B3GALT1: variants seen among roughly 807,000 people sequenced by gnomAD.
B3GALT1 encodes UDP-Gal:betaGlcNAc beta 1,3-galactosyltransferase, polypeptide 1.
B3GALT1 carries 10 observed loss-of-function variants against 23.2 expected under a neutral mutation model. The observed-to-expected ratio is 0.43, with a 90% CI of 0.27 to 0.73. The LOEUF (loss-of-function observed/expected upper bound fraction) is 0.73. Among genes scored for constraint, B3GALT1 ranks in the 30% least tolerant of loss-of-function variants. B3GALT1 has a pLI of 0.21. For missense variants in B3GALT1, 299 were observed against 405.4 expected, an observed-to-expected ratio of 0.74 and a Z score of 2.25; for synonymous variants, 156 against 141.5, an observed-to-expected ratio of 1.10 and a Z score of -0.73.
intron 3 of B3GALT1, among the ~76,000 whole-genome samples, chr2:167,702,771 A>G (rs1419101367): frequency 3.3e-5 from 5 of 152,212 alleles, no homozygotes; most frequent in African/African-American, 9.6e-5. Flanking sequence ...AGCTATTTTC[A>G]TGTCAAAAAT....
intron 3 of B3GALT1, among the ~76,000 whole-genome samples, chr2:167,778,153 G>T (rs1242919219): frequency 1.3e-5 from 2 of 152,154 alleles, no homozygotes; most frequent in African/African-American, 4.8e-5. Context: ...AAATAGTTTA[G>T]ACATTTTGCA....
intron 4 of B3GALT1, among the ~76,000 whole-genome samples, chr2:167,838,187 T>A (rs879874397): frequency 0.082 from 8,250 of 100,988 alleles, no homozygotes; most frequent in Non-Finnish European, 0.087. Flanking sequence ...AGAGCAGAAC[T>A]GAAGGAAATA....
At chr2:167,826,560 G>A (rs1404769425) in intron 4 of B3GALT1, among the ~76,000 whole-genome samples, 2 of 152,176 alleles carry the variant, frequency 1.3e-5, no homozygotes, top group Non-Finnish European at 2.9e-5. Flanking sequence ...TGTCAGGAAT[G>A]GGGTGAGTGT....
chr2:167,521,982 G>GTATATATATATATA (rs1406145422), intron 2 of B3GALT1, among the ~76,000 whole-genome samples: 3 of 135,230 alleles, frequency 2.2e-5, no homozygotes, highest in East Asian at 4.8e-4. Context: ...GTGTGTGTGT[G>GTATATATATATATA]TGTATATATA....
chr2:167,429,591 A>C (rs1036326627), intron 1 of B3GALT1, among the ~76,000 whole-genome samples: 1 of 152,180 alleles, frequency 6.6e-6, no homozygotes, highest in African/African-American at 2.4e-5. Flanking sequence ...AAAAGAAAAA[A>C]TAAGCACAAT....
At chr2:167,447,336 CTGTT>C (rs920518717) in intron 1 of B3GALT1, among the ~76,000 whole-genome samples, 2 of 152,232 alleles carry the variant, frequency 1.3e-5, no homozygotes, top group Non-Finnish European at 2.9e-5. Flanking sequence ...GGCATTCTGT[CTGTT>C]CTCAGATCTC....
At chr2:167,809,712 G>A (rs545996106) in intron 3 of B3GALT1, among the ~76,000 whole-genome samples, 1 of 152,212 alleles carries the variant, frequency 6.6e-6, no homozygotes, top group African/African-American at 2.4e-5. Flanking sequence ...GTGCCTCCCA[G>A]TTAGGCTACT....
At position 167,376,530 on chromosome 2, in the gene B3GALT1, G is replaced by A. The variant is rs568214007; in HGVS notation, c.-511+83196G>A. ...GATTCAATTTCAAAAGTTGATATTG[G>A]CCTATTTAATGTTTTCATTTCTTCC... On this transcript the variant is annotated intron_variant, in intron 1 of 4. Transcript: ENST00000392690. Among the ~76,000 whole-genome samples the A allele has an allele frequency of 4.6e-5, 7 of 152,174 alleles. 1 individual carries two copies. Among genetic ancestry groups the A allele is most frequent in the African/African-American group, 1.7e-4 (7 of 41,530 alleles).
intron 3 of B3GALT1, among the ~76,000 whole-genome samples, chr2:167,698,569 TC>T (rs1211504383): frequency 6.6e-6 from 1 of 152,266 alleles, no homozygotes; most frequent in Admixed American, 6.5e-5. Flanking sequence ...TCCCCTGTGC[TC>T]TTTTCCACAC....
chr2:167,673,603 CA>C (rs1299442776), intron 3 of B3GALT1, among the ~76,000 whole-genome samples: 1 of 151,672 alleles, frequency 6.6e-6, no homozygotes, highest in African/African-American at 2.4e-5. Context: ...CCATAGTAAA[CA>C]AATATTTTAT....
chr2:167,533,787 C>G (rs1314172672), intron 2 of B3GALT1, among the ~76,000 whole-genome samples: 1 of 152,150 alleles, frequency 6.6e-6, no homozygotes, highest in African/African-American at 2.4e-5. Context: ...TCTTTGCAAC[C>G]ATGTTTCTTC....
chr2:167,513,719 G>A (rs1700062066), intron 2 of B3GALT1, among the ~76,000 whole-genome samples: 1 of 152,008 alleles, frequency 6.6e-6, no homozygotes, highest in African/African-American at 2.4e-5. Flanking sequence ...ATTATATACT[G>A]TTCTTTTTTA....
chr2:167,367,621 T>C (rs779416452), intron 1 of B3GALT1, among the ~76,000 whole-genome samples: 4 of 152,174 alleles, frequency 2.6e-5, no homozygotes, highest in Non-Finnish European at 4.4e-5. Flanking sequence ...CTATTAAGAA[T>C]TGAAAAATCA....
chr2:167,793,547 G>A (rs537212794), intron 3 of B3GALT1, among the ~76,000 whole-genome samples: 29 of 151,814 alleles, frequency 1.9e-4, no homozygotes, highest in South Asian at 1.9e-3. Context: ...TGATTAGTTC[G>A]GATTTTCTTC....
intron 1 of B3GALT1, among the ~76,000 whole-genome samples, chr2:167,296,153 C>T (rs1165718607): frequency 6.6e-6 from 1 of 152,152 alleles, no homozygotes; most frequent in East Asian, 1.9e-4. Context: ...CTTGTGAAGA[C>T]CCTAGGCCAC....
intron 2 of B3GALT1, among the ~76,000 whole-genome samples, chr2:167,507,200 G>T (rs1699931992): frequency 6.6e-6 from 1 of 152,000 alleles, no homozygotes; most frequent in African/African-American, 2.4e-5. Flanking sequence ...ACAGATCTTG[G>T]TGAATATTAA....
intron 2 of B3GALT1, among the ~76,000 whole-genome samples, chr2:167,573,533 A>C (rs367619732): frequency 6.6e-6 from 1 of 151,678 alleles, no homozygotes; most frequent in South Asian, 2.1e-4. Flanking sequence ...TAGCACTTTC[A>C]ATTAGATTTT....
At chr2:167,496,907 C>G (rs1699790423) in intron 2 of B3GALT1, among the ~76,000 whole-genome samples, 1 of 152,168 alleles carries the variant, frequency 6.6e-6, no homozygotes, top group African/African-American at 2.4e-5. Context: ...TGATTTCAAA[C>G]TTCCAGCCTC....
chr2:167,421,257 A>G (rs1698543081), intron 1 of B3GALT1, among the ~76,000 whole-genome samples: 1 of 152,218 alleles, frequency 6.6e-6, no homozygotes, highest in Non-Finnish European at 1.5e-5. Context: ...GTCACATTGC[A>G]ATTGCTCAGT....
Sources: gnomAD v4.1 joint callset for allele counts (sites outside exome capture counted in the v4.1 genomes callset) on GRCh38, gnomAD v4.1.1 for gene constraint, MANE v1.5 for transcripts, NCBI Gene and HGNC (gene_info 2026-07-23, HGNC 2026-07-21) for gene names.